The following LRRFIP1 variants were observed in gnomAD, a reference collection of about 807,000 sequenced individuals.
The protein encoded by LRRFIP1 is LRR binding FLII interacting protein 1.
Under a neutral mutation model 104.4 loss-of-function variants are expected in LRRFIP1, and 62 were observed. The ratio of observed to expected loss-of-function variants is 0.59; its 90% CI spans 0.48 to 0.73. LRRFIP1 has a LOEUF of 0.73. Ranked by LOEUF, LRRFIP1 falls within the 30% of genes least tolerant of loss-of-function variation. The pLI is 0.00. For missense variants in LRRFIP1, 796 were observed against 824.5 expected (o/e 0.97, Z 0.42); for synonymous variants, 300 against 299.0 (o/e 1.00, Z -0.03).
chr2:237,719,716 T>A (rs2094470889), intron 5 of LRRFIP1, 149 bp downstream of exon 5: 1 of 548,700 alleles, frequency 1.8e-6, no homozygotes, highest in South Asian at 3.1e-5. Flanking sequence ...GATAGAATAC[T>A]GATATTATTA....
Position 237,688,190 on chromosome 2 carries a change from A to C in LRRFIP1, c.97-20354A>C, listed in dbSNP as rs1196856322. Among the ~76,000 whole-genome samples, 3 of 140,572 alleles carry C rather than the reference A, an allele frequency of 2.1e-5. No homozygotes were observed. The East Asian group carries it at 5.8e-4, about 27-fold the overall frequency. 92.2% of individuals were successfully genotyped at this position (140,572 alleles called of 152,430 possible). A position where few individuals can be genotyped will look rare whatever the true frequency, so the allele number is the denominator to read the frequency against. ...TAAGGATGCCCTCTGAGGCAGTCAG[A>C]CAAAACCCAAAGTACCCTCTCAGTG... On this transcript the variant is annotated intron_variant, in intron 1 of 23. Coordinates refer to ENST00000308482, the MANE Select transcript of LRRFIP1 (RefSeq NM_001137550.2).
chr2:237,697,869 T>G (rs1401179674), intron 1 of LRRFIP1, among the ~76,000 whole-genome samples: 1 of 152,184 alleles, frequency 6.6e-6, no homozygotes, highest in African/African-American at 2.4e-5. Flanking sequence ...TTCTTGTATT[T>G]CCATCATGTT....
At chr2:237,745,095 T>C (rs932397894) in intron 11 of LRRFIP1, among the ~76,000 whole-genome samples, 11 of 152,244 alleles carry the variant, frequency 7.2e-5, no homozygotes, top group African/African-American at 2.4e-4. Context: ...ATTCCTTACC[T>C]GGCTCTGCTA....
chr2:237,654,256 A>G (rs2149412372), intron 1 of LRRFIP1, among the ~76,000 whole-genome samples: 1 of 152,378 alleles, frequency 6.6e-6, no homozygotes, highest in East Asian at 1.9e-4. Flanking sequence ...TACGTGAAAA[A>G]AAAATGCTTG....
chr2:237,751,285 G>A lies in LRRFIP1; in HGVS notation c.867+14G>A. ...AAAGAGATGAAGGTACCAATTCACA[G>A]ACGTGTGGTCTCACGATATTAACCC... On this transcript the variant is annotated intron_variant, in intron 14 of 23. Transcript: ENST00000308482. The A allele has an allele frequency of 6.3e-7, 1 of 1,592,542 alleles. No individual in the cohort carries two copies.
At chr2:237,680,093 TC>T (rs1388668151) in intron 1 of LRRFIP1, among the ~76,000 whole-genome samples, 1 of 152,088 alleles carries the variant, frequency 6.6e-6, no homozygotes, top group Non-Finnish European at 1.5e-5. Context: ...CACGGATCCA[TC>T]CCCAAATAAA....
Position 237,717,715 on chromosome 2 carries a change from T to C in LRRFIP1, c.202-47T>C. 1 of 1,435,966 alleles carries C rather than the reference T, an allele frequency of 7.0e-7. No individual in the cohort carries two copies. Among genetic ancestry groups the C allele is most frequent in the Non-Finnish European group, 9.8e-7 (1 of 1,017,738 alleles). 89.0% of individuals were successfully genotyped at this position (1,435,966 alleles called of 1,614,324 possible). ...ACAGTGCCTTAGACAACTGCCTTTT[T>C]AAGAAATTTCACTTCTTGCCTAATT... On this transcript the variant is annotated intron_variant, in intron 3 of 23. Transcript: ENST00000308482. The surrounding 1 kb of genome is among the most constrained non-coding windows in gnomAD (Gnocchi z 4.2).
chr2:237,698,810 G>A (rs1233320976), intron 1 of LRRFIP1, among the ~76,000 whole-genome samples: 2 of 143,398 alleles, frequency 1.4e-5, no homozygotes, highest in Non-Finnish European at 3.1e-5. Flanking sequence ...ATGGAGAGAC[G>A]AGAGATCCAC....
rs1874145 is a variant in LRRFIP1 at position 237,707,628 on chromosome 2, T to A, written c.97-916T>A. 5.8e-3 allele frequency among the ~76,000 whole-genome samples: 879 copies of A among 152,318 alleles called. 12 individuals are homozygous for A. The highest frequency in any genetic ancestry group is 0.02 in the African/African-American group (824 of 41,566). ...GAAAACCTGCACTCAGTAACACTTATGCCATCGAGCTTACGGGGCTGTGGT... is the reference window on the plus strand; with the variant it reads ...GAAAACCTGCACTCAGTAACACTTAAGCCATCGAGCTTACGGGGCTGTGGT... On this transcript the variant is annotated intron_variant, in intron 1 of 23. Transcript: ENST00000308482.
intron 5 of LRRFIP1, 139 bp downstream of exon 5, chr2:237,719,706 G>A: frequency 8.9e-6 from 5 of 560,084 alleles, no homozygotes; most frequent in East Asian, 3.0e-5. Flanking sequence ...TACTATTAAT[G>A]ATAGAATACT....
At chr2:237,631,557 G>T (rs2149244876) in intron 1 of LRRFIP1, among the ~76,000 whole-genome samples, 1 of 152,348 alleles carries the variant, frequency 6.6e-6, no homozygotes, top group Non-Finnish European at 1.5e-5. Flanking sequence ...GTACGCACTT[G>T]CAGAAGCTCA....
At chr2:237,628,177 C>T (rs11677667) in intron 1 of LRRFIP1, among the ~76,000 whole-genome samples, 34,769 of 152,128 alleles carry the variant, frequency 0.23, 4,515 homozygotes, top group East Asian at 0.43. Context: ...GCCACATGGC[C>T]CTGCTGAAAT....
chr2:237,698,210 C>G (rs55895716), intron 1 of LRRFIP1, among the ~76,000 whole-genome samples: 1 of 152,346 alleles, frequency 6.6e-6, no homozygotes, highest in Non-Finnish European at 1.5e-5. Context: ...TGGACAATCT[C>G]AGTGTACAAA....
intron 1 of LRRFIP1, chr2:237,692,598 C>T (rs949709694): frequency 3.6e-6 from 5 of 1,394,640 alleles, no homozygotes; most frequent in Non-Finnish European, 4.7e-6. Context: ...GTTCCGAGGT[C>T]AATGGCAGGC....
At position 237,775,042 on chromosome 2, in the gene LRRFIP1, G is replaced by A. The variant is rs148811407; in HGVS notation, c.1812+580G>A. 1.5e-3 allele frequency among the ~76,000 whole-genome samples: 221 copies of A among 152,362 alleles called. 1 individual carries two copies. The highest frequency in any genetic ancestry group is 5.2e-3 in the African/African-American group (215 of 41,584). ...ATATTTACAGCACCCGTTGCATGCC[G>A]GGCACGGGTTCAGGTGCTGGAGATG... On this transcript the variant is annotated intron_variant, in intron 23 of 23. Coordinates refer to ENST00000308482, the MANE Select transcript of LRRFIP1 (RefSeq NM_001137550.2).
chr2:237,676,818 A>G (rs2091220198), intron 1 of LRRFIP1, among the ~76,000 whole-genome samples: 1 of 152,120 alleles, frequency 6.6e-6, no homozygotes, highest in Admixed American at 6.5e-5. Flanking sequence ...GATGGTTTTA[A>G]AACAGAGATG....
At chr2:237,638,274 C>G (rs1396071804) in intron 1 of LRRFIP1, among the ~76,000 whole-genome samples, 1 of 152,192 alleles carries the variant, frequency 6.6e-6, no homozygotes, top group African/African-American at 2.4e-5. Flanking sequence ...AAGGAGCGCA[C>G]AACCTAGATC....
At position 237,688,403 on chromosome 2, in the gene LRRFIP1, A is replaced by T. The variant is rs187368206; in HGVS notation, c.97-20141A>T. ...CTGACCTCTCAGCTCTTTAGTTAAG[A>T]CCCTGGGCCCCATGCTGGTATGGTC... On this transcript the variant is annotated intron_variant, in intron 1 of 23. Transcript: ENST00000308482. 3.4e-5 allele frequency among the ~76,000 whole-genome samples: 5 copies of T among 147,714 alleles called. 1 individual carries two copies. The highest frequency in any genetic ancestry group is 1.3e-4 in the African/African-American group (5 of 39,908).
At chr2:237,639,361 G>C (rs1037373364) in intron 1 of LRRFIP1, among the ~76,000 whole-genome samples, 3 of 152,238 alleles carry the variant, frequency 2.0e-5, no homozygotes, top group African/African-American at 7.2e-5. Context: ...TAGTGTCAGC[G>C]TCCCTGGGGA....
Sources: gnomAD v4.1 joint callset for allele counts (sites outside exome capture counted in the v4.1 genomes callset) on GRCh38, gnomAD v4.1.1 for gene constraint, Gnocchi (gnomAD v3.1) non-coding constraint, MANE v1.5 for transcripts, NCBI Gene and HGNC (gene_info 2026-07-23, HGNC 2026-07-21) for gene names.